Variants in COL20A1 observed in about 807,000 individuals in gnomAD.
The protein encoded by COL20A1 is collagen alpha-1(XX) chain.
In COL20A1, 164 loss-of-function variants were observed where a neutral mutation model predicts 152.9. The ratio of observed to expected loss-of-function variants is 1.07; its 90% confidence interval spans 0.94 to 1.22. COL20A1 has a LOEUF of 1.22. Ranked by LOEUF, COL20A1 falls within the 50% of genes most tolerant of loss-of-function variation. The probability of loss-of-function intolerance (pLI) is 0.00; values close to 1 mark genes in which losing one functional copy is unlikely to be tolerated. For missense variants in COL20A1, 1,873 were observed against 1,744.8 expected (o/e 1.07, Z -1.31); for synonymous variants, 864 against 756.0 (o/e 1.14, Z -2.34).
chr20:63,320,441 G>A, intron 25 of COL20A1, 73 bp downstream of exon 25: 3 of 1,419,788 alleles, frequency 2.1e-6, no homozygotes, highest in Non-Finnish European at 3.0e-6. Context: ...ACAGTGCCTG[G>A]GGTCAGTTGG....
At position 63,313,187 on chromosome 20, in the gene COL20A1, C is replaced by T; in HGVS notation, c.2147C>T (p.Thr716Ile). The T allele has an allele frequency of 6.2e-7, 1 of 1,612,554 alleles. No individual in the cohort carries two copies. Among genetic ancestry groups the T allele is most frequent in the Non-Finnish European group, 8.5e-7 (1 of 1,179,730 alleles). The stretch of plus-strand genomic sequence containing the variant: ...GGGAGGCACACAGAGTACGACGTCA[C>T]CATCTTGGCCTACTACAGGGACGGG... ...GLGRHTEYDV[T>I]ILAYYRDGAR... The change falls in exon 17 of 36, where the codon ACC becomes ATC. Residue 716 changes from threonine to isoleucine, a missense_variant. By Grantham distance (89) the Thr-to-Ile change is moderately conservative (BLOSUM62 -1). Transcript: ENST00000358894. The surrounding 1 kb of genome is among the most constrained non-coding windows in gnomAD (Gnocchi z 5.9).
In COL20A1 at chr20:63,308,106, G is replaced by A. The variant is rs774512752; in HGVS notation, c.775+16G>A. The A allele has an allele frequency of 6.8e-6, 11 of 1,611,648 alleles. No homozygotes were observed. Among genetic ancestry groups the A allele is most frequent in the South Asian group, 5.5e-5 (5 of 91,044 alleles). On this transcript the variant is annotated intron_variant, in intron 7 of 35. Coordinates refer to ENST00000358894, the MANE Select transcript of COL20A1 (RefSeq NM_020882.4). ...ACGTTCACAGGTACGGCCCAGGCCT[G>A]CCCCTCCCTCTGTCCTGAGGGCGGA...
chr20:63,312,277 C>A, intron 14 of COL20A1, 143 bp from the exon 15 acceptor site: 1 of 1,145,640 alleles, frequency 8.7e-7, no homozygotes, highest in Non-Finnish European at 1.2e-6. Context: ...GTTGCCCTCC[C>A]ATCCCTCAGG....
intron 7 of COL20A1, 21 bp from the exon 8 acceptor site, chr20:63,308,521 T>C: frequency 1.9e-6 from 3 of 1,555,684 alleles, no homozygotes; most frequent in Non-Finnish European, 2.6e-6. Context: ...TGCCTGTCAC[T>C]TTATTCCTGC....
intron 19 of COL20A1, 47 bp downstream of exon 19, chr20:63,314,248 C>G (rs573026229): frequency 6.6e-7 from 1 of 1,516,692 alleles, no homozygotes; most frequent in African/African-American, 1.4e-5. Context: ...CAGCCCCAGC[C>G]GGGCCCTAGA....
chr20:63,309,198 G>T, intron 8 of COL20A1, 135 bp from the exon 9 acceptor site: 1 of 614,938 alleles, frequency 1.6e-6, no homozygotes. Flanking sequence ...GGCCCAGCAT[G>T]TGGGTGGCAG....
intron 14 of COL20A1, 51 bp from the exon 15 acceptor site, chr20:63,312,369 G>T: frequency 6.8e-7 from 1 of 1,475,950 alleles, no homozygotes; most frequent in South Asian, 1.4e-5. Context: ...ACCCCAGCAA[G>T]GGCTCCAGGC....
rs747813069 is a variant in COL20A1, at chr20:63,313,450, T to C, written c.2209+201T>C. On this transcript the variant is annotated intron_variant, in intron 17 of 35. Transcript: ENST00000358894. This position sits in a 1 kb window ranked among gnomAD's most constrained non-coding sequence, Gnocchi z 5.9. ...TATAGGTGTTCCCCCAGTGGCCGAGTGCACAAACCACCTAGTGTCCCGCAG... is the reference window on the plus strand; with the variant it reads ...TATAGGTGTTCCCCCAGTGGCCGAGCGCACAAACCACCTAGTGTCCCGCAG... Among the ~76,000 whole-genome samples, 11 of 152,118 alleles carry C rather than the reference T, an allele frequency of 7.2e-5. No homozygotes were observed. The highest frequency in any genetic ancestry group is 1.5e-5 in the Non-Finnish European group (1 of 68,016).
chr20:63,312,957 TTCCGAGGGGCCCCCCGTGGGCCCC>T, intron 16 of COL20A1, 23 bp downstream of exon 16: 2 of 1,533,080 alleles, frequency 1.3e-6, no homozygotes, highest in Non-Finnish European at 1.8e-6. Context: ...GGGTTTGTCC[TTCCGAGGGGCCCCCCGTGGGCCCC>T]TAGTCCTGAA....
intron 21 of COL20A1, among the ~76,000 whole-genome samples, chr20:63,317,467 A>T (rs2068099270): frequency 9.9e-6 from 1 of 101,124 alleles, no homozygotes; most frequent in Non-Finnish European, 2.1e-5. Context: ...CCGTCCCTTA[A>T]AAAAAAAAAA....
chr20:63,308,206 T>TCTATAAAG, intron 7 of COL20A1, 116 bp downstream of exon 7: 1 of 1,257,858 alleles, frequency 8.0e-7, no homozygotes, highest in Non-Finnish European at 1.1e-6. Context: ...ACCTGAGCCC[T>TCTATAAAG]GTTCACACCT....
Position 63,308,624 on chromosome 20 carries a change from G to C in COL20A1, c.858G>C (p.Leu286=). Residue 286 remains leucine, a synonymous_variant, in exon 8 of 36, where the codon CTG becomes CTC. Transcript: ENST00000358894. ...CAGAGGCAGCCAAGGTGGTGATTCT[G>C]GTGACGGACGGCAAGTCCCAGGACG... The part of the protein sequence containing the change: ...LRPEAAKVVI[L]VTDGKSQDDV... 6.2e-7 allele frequency: 1 copy of C among 1,606,454 alleles called. No homozygotes were observed. The highest frequency in any genetic ancestry group is 8.5e-7 in the Non-Finnish European group (1 of 1,177,210).
At chr20:63,312,128 G>T in intron 14 of COL20A1, 73 bp downstream of exon 14, 1 of 1,455,284 alleles carries the variant, frequency 6.9e-7, no homozygotes. Flanking sequence ...GCATGGGGTG[G>T]AGCCAACCAT....
At position 63,329,670 on chromosome 20, in the gene COL20A1, C is replaced by CA; in HGVS notation, c.*3+9_*3+10insA. On this transcript the variant is annotated intron_variant, in intron 35 of 35. Transcript: ENST00000358894. ...GCCTCTGGGAGTGACAGGTGAGCCCCTGCTGCCTGCATCTATCTGCCAAGG... is the reference window on the plus strand; with the variant it reads ...GCCTCTGGGAGTGACAGGTGAGCCCCATGCTGCCTGCATCTATCTGCCAAGG... 1 of 1,560,152 alleles carries CA rather than the reference C, an allele frequency of 6.4e-7. No individual in the cohort carries two copies.
Position 63,333,614 on chromosome 20 carries a change from G to A in COL20A1, c.*2898G>A, listed in dbSNP as rs1475412943. 1.3e-5 allele frequency: 2 copies of A among 152,308 alleles called. No individual in the cohort carries two copies. Among genetic ancestry groups the A allele is most frequent in the Non-Finnish European group, 2.9e-5 (2 of 68,080 alleles). The allele number at this position is 152,308 out of a possible 1,614,324, so 9.4% of individuals were successfully genotyped here. On this transcript the variant is annotated 3_prime_UTR_variant, in exon 36 of 36. Transcript: ENST00000358894. ...GTGGGGAGCTGGGAAGAACGGCTCA[G>A]TGATGAGCTCAGAGGGAGGGGTGGG... is the stretch of plus-strand genomic sequence containing the variant.
At chr20:63,312,684 C>T (rs555741412) in intron 15 of COL20A1, 108 bp from the exon 16 acceptor site, 40 of 1,456,480 alleles carry the variant, frequency 2.7e-5, no homozygotes, top group Middle Eastern at 1.9e-4. Context: ...GGCACCCGGA[C>T]GGGTGTGATG....
Position 63,311,263 on chromosome 20 carries a change from A to G in COL20A1, c.1394-131A>G, listed in dbSNP as rs559808507. 8.2e-4 allele frequency: 826 copies of G among 1,003,188 alleles called. 4 individuals carry two copies. In the African/African-American group the frequency reaches 0.012, roughly 14 times the overall value. 62.1% of individuals were successfully genotyped at this position (1,003,188 alleles called of 1,614,324 possible). ...CCTTGGCCCAAGGTGAAGCCTGGGA[A>G]GTGCCACTTTGAATCCTGTGCACCT... On this transcript the variant is annotated intron_variant, in intron 11 of 35. Coordinates refer to ENST00000358894, the MANE Select transcript of COL20A1 (RefSeq NM_020882.4). The surrounding 1 kb of genome is among the most constrained non-coding windows in gnomAD (Gnocchi z 4.4).
Position 63,313,276 on chromosome 20 carries a change from C to T in COL20A1, c.2209+27C>T, listed in dbSNP as rs113434512. 985 of 1,594,456 alleles carry T rather than the reference C, an allele frequency of 6.2e-4. 15 individuals are homozygous for T. In the African/African-American group the frequency reaches 0.012, roughly 19 times the overall value. ...TAGGTGCCCCTCCACTTCCCCTCTG[C>T]TGGGTGTGGGGCAGGGATGGCCCAG... is the stretch of plus-strand genomic sequence containing the variant. On this transcript the variant is annotated intron_variant, in intron 17 of 35. Coordinates refer to ENST00000358894, the MANE Select transcript of COL20A1 (RefSeq NM_020882.4). This position sits in a 1 kb window ranked among gnomAD's most constrained non-coding sequence, Gnocchi z 5.9.
chr20:63,322,143 G>C, intron 27 of COL20A1, 32 bp downstream of exon 27: 1 of 1,476,854 alleles, frequency 6.8e-7, no homozygotes, highest in Non-Finnish European at 9.0e-7. Context: ...GAGGTGAGGG[G>C]CCTGGATCGT....
Sources: gnomAD v4.1 joint callset for allele counts (sites outside exome capture counted in the v4.1 genomes callset) on GRCh38, gnomAD v4.1.1 for gene constraint, Gnocchi (gnomAD v3.1) non-coding constraint, MANE v1.5 for transcripts, NCBI Gene and HGNC (gene_info 2026-07-23, HGNC 2026-07-21) for gene names.